MYH11: variants seen among roughly 807,000 people sequenced by gnomAD.
MYH11 encodes the protein myosin heavy chain 11.
MYH11 carries 80 observed loss-of-function variants against 246.6 expected under a neutral mutation model. The ratio of observed to expected loss-of-function variants is 0.32; its 90% CI spans 0.27 to 0.39. MYH11 has a LOEUF of 0.39. MYH11 is among the 10% of genes least tolerant of loss of function. The probability of loss-of-function intolerance (pLI) is 1.00; values close to 1 mark genes in which losing one functional copy is unlikely to be tolerated. For missense variants in MYH11, 2,158 were observed against 2,546.8 expected (o/e 0.85, Z 3.29); for synonymous variants, 1,071 against 1,015.5 (o/e 1.05, Z -1.04).
chr16:15,811,320 G>A (rs1420821664), intron 3 of MYH11, among the ~76,000 whole-genome samples: 1 of 152,142 alleles, frequency 6.6e-6, no homozygotes, highest in Non-Finnish European at 1.5e-5. Context: ...GCCTTCTGGG[G>A]GCCTCAGTTT....
At chr16:15,708,977 C>G (rs752487486) in intron 40 of MYH11, 12 of 960,052 alleles carry the variant, frequency 1.2e-5, no homozygotes, top group Non-Finnish European at 1.8e-5. Context: ...GAGATAGTCT[C>G]TGTCACCCAG....
intron 8 of MYH11, among the ~76,000 whole-genome samples, chr16:15,773,009 A>G (rs1236424459): frequency 6.6e-6 from 1 of 152,130 alleles, no homozygotes; most frequent in Non-Finnish European, 1.5e-5. Context: ...GTATATTACA[A>G]TGTAATAATA....
rs1371789528 is a variant in MYH11, at chr16:15,742,233, C to G, written c.2521-342G>C. On this transcript the variant is annotated intron_variant, in intron 20 of 40. Coordinates refer to ENST00000300036, the MANE Select transcript of MYH11 (RefSeq NM_002474.3). ...TGAAAGGAAAAAGTCTCATCTTCCC[C>G]ACTTTAGAACCATCCCAACAGAGAA... 8 of 414,044 alleles carry G rather than the reference C, an allele frequency of 1.9e-5. No individual in the cohort carries two copies. In the East Asian group the frequency reaches 3.6e-4, roughly 19 times the overall value. 25.6% of individuals were successfully genotyped at this position (414,044 alleles called of 1,614,324 possible).
intron 3 of MYH11, among the ~76,000 whole-genome samples, chr16:15,816,793 C>A (rs200841033): frequency 7.6e-4 from 105 of 138,386 alleles, no homozygotes; most frequent in African/African-American, 7.1e-4. Flanking sequence ...TGGTAAATAC[C>A]AAAAAAAAAA....
intron 4 of MYH11, among the ~76,000 whole-genome samples, chr16:15,793,619 T>TC (rs1009374927): frequency 3.7e-5 from 5 of 133,568 alleles, no homozygotes; most frequent in African/African-American, 5.9e-5. Context: ...TCTTTTCTTT[T>TC]TTTTTTTTTT....
At chr16:15,777,284 G>A (rs1404118879) in intron 7 of MYH11, among the ~76,000 whole-genome samples, 1 of 152,050 alleles carries the variant, frequency 6.6e-6, no homozygotes, top group Non-Finnish European at 1.5e-5. Context: ...ACCACGCCTG[G>A]ATAATTTTTG....
chr16:15,798,801 C>A, intron 3 of MYH11, 114 bp from the exon 4 acceptor site: 1 of 1,152,168 alleles, frequency 8.7e-7, no homozygotes, highest in Non-Finnish European at 1.3e-6. Flanking sequence ...ATGCTGGCCT[C>A]ATTGGAAGTG....
At chr16:15,830,302 A>G (rs533417305) in intron 2 of MYH11, among the ~76,000 whole-genome samples, 1 of 152,308 alleles carries the variant, frequency 6.6e-6, no homozygotes, top group African/African-American at 2.4e-5. Context: ...TACCCAACCT[A>G]GAGACAGACG....
intron 40 of MYH11, among the ~76,000 whole-genome samples, chr16:15,706,338 G>C (rs1039397504): frequency 1.4e-4 from 22 of 152,094 alleles, no homozygotes; most frequent in African/African-American, 4.1e-4. Flanking sequence ...CAGCGCAGAG[G>C]AGCAGCAGTT....
intron 27 of MYH11, 97 bp downstream of exon 27, chr16:15,732,467 T>C: frequency 6.5e-7 from 1 of 1,542,926 alleles, no homozygotes; most frequent in South Asian, 1.1e-5. Context: ...ATGTAACTTG[T>C]TTTTTGTCTT....
chr16:15,733,998 A>G (rs986881873), intron 26 of MYH11, among the ~76,000 whole-genome samples: 1 of 152,260 alleles, frequency 6.6e-6, no homozygotes, highest in Non-Finnish European at 1.5e-5. Flanking sequence ...GCTATGATAC[A>G]TGCTATGCCA....
At chr16:15,744,503 A>G (rs1268531625) in intron 20 of MYH11, among the ~76,000 whole-genome samples, 1 of 149,534 alleles carries the variant, frequency 6.7e-6, no homozygotes, top group African/African-American at 2.5e-5. Flanking sequence ...TTTTTTTTAA[A>G]TAAAAAAAAA....
intron 1 of MYH11, among the ~76,000 whole-genome samples, chr16:15,850,104 G>T (rs563545310): frequency 6.6e-6 from 1 of 152,210 alleles, no homozygotes; most frequent in African/African-American, 2.4e-5. Flanking sequence ...AGTAAATTAG[G>T]CCGGGCATGG....
chr16:15,803,492 G>C (rs1409322584), intron 3 of MYH11, among the ~76,000 whole-genome samples: 2 of 151,944 alleles, frequency 1.3e-5, no homozygotes, highest in Admixed American at 6.6e-5. Context: ...GGCCAGGCTG[G>C]TCTCGAACTC....
Position 15,847,248 on chromosome 16 carries a change from T to TC in MYH11, c.-17-8980_-17-8979insG, listed in dbSNP as rs2044215161. Among the ~76,000 whole-genome samples, 4 of 33,446 alleles carry TC rather than the reference T, an allele frequency of 1.2e-4. No homozygotes were observed. The East Asian group carries it at 1.8e-3, about 15-fold the overall frequency. The allele number at this position is 33,446 out of a possible 152,430, so 21.9% of individuals were successfully genotyped here. On this transcript the variant is annotated intron_variant, in intron 1 of 40. Transcript: ENST00000300036. ...ACTATGACAAGTAAAGTGGACTTCT[T>TC]TTTTTTTTTTTTTTTTTTCTGAGAC...
At chr16:15,806,928 C>T (rs772268137) in intron 3 of MYH11, among the ~76,000 whole-genome samples, 1 of 151,950 alleles carries the variant, frequency 6.6e-6, no homozygotes, top group African/African-American at 2.4e-5. Context: ...GAGCCAGGTA[C>T]CGAAAGCACA....
intron 28 of MYH11, chr16:15,726,385 C>A: frequency 7.7e-6 from 1 of 129,418 alleles, no homozygotes; most frequent in Non-Finnish European, 1.6e-5. Context: ...TTTTTTTTTT[C>A]CTGAGACAGA....
chr16:15,778,994 C>T (rs2042287544), intron 6 of MYH11, 151 bp from the exon 7 acceptor site: 3 of 760,646 alleles, frequency 3.9e-6, no homozygotes, highest in Middle Eastern at 4.6e-4. Context: ...GTCAAGTTGT[C>T]AGGCGGAACC....
At chr16:15,752,480 C>G (rs1379508424) in intron 15 of MYH11, among the ~76,000 whole-genome samples, 5 of 152,242 alleles carry the variant, frequency 3.3e-5, no homozygotes, top group African/African-American at 1.2e-4. Context: ...GTCCCTAGAC[C>G]AGCAGCATCA....
Sources: gnomAD v4.1 joint callset for allele counts (sites outside exome capture counted in the v4.1 genomes callset) on GRCh38, gnomAD v4.1.1 for gene constraint, MANE v1.5 for transcripts, NCBI Gene and HGNC (gene_info 2026-07-23, HGNC 2026-07-21) for gene names.